Variants in DRC11 observed in about 807,000 individuals in gnomAD.
DRC11 encodes dynein regulatory complex subunit 11.
chr2:236,493,898 G>C, the DRC11 span: 1 of 1,581,588 alleles, frequency 6.3e-7, no homozygotes, highest in Admixed American at 1.8e-5. Context: ...CTAGAGAAGA[G>C]AAAGAATAAA....
chr2:236,496,533 G>C, the DRC11 span, among the ~76,000 whole-genome samples: 30 of 152,314 alleles, frequency 2.0e-4, no homozygotes, highest in African/African-American at 7.2e-4. The surrounding 1 kb of genome is among the most constrained non-coding windows in gnomAD (Gnocchi z 6.3). Context: ...GAACGTCGGA[G>C]GGCAGCAGCA....
At chr2:236,429,358 C>T in the DRC11 span, among the ~76,000 whole-genome samples, 1 of 152,214 alleles carries the variant, frequency 6.6e-6, no homozygotes, top group African/African-American at 2.4e-5. The surrounding 1 kb of genome is among the most constrained non-coding windows in gnomAD (Gnocchi z 5.9). Context: ...TCAACACCAT[C>T]TGCATGCATG....
the DRC11 span, among the ~76,000 whole-genome samples, chr2:236,313,592 A>T: frequency 1.3e-5 from 2 of 152,214 alleles, no homozygotes; most frequent in African/African-American, 2.4e-5. The surrounding 1 kb of genome is among the most constrained non-coding windows in gnomAD (Gnocchi z 4.5). Flanking sequence ...ACATATTCAC[A>T]CAAAAACCTG....
chr2:236,459,595 G>GTATATACGTATATACGTATATACGTA, the DRC11 span, among the ~76,000 whole-genome samples: 190 of 108,182 alleles, frequency 1.8e-3, 2 homozygotes, highest in Middle Eastern at 0.013. Context: ...ATACGTATAC[G>GTATATACGTATATACGTATATACGTA]TATACATATA....
At chr2:236,357,674 A>G in the DRC11 span, among the ~76,000 whole-genome samples, 1 of 125,230 alleles carries the variant, frequency 8.0e-6, no homozygotes, top group Non-Finnish European at 1.6e-5. Context: ...ATACATAAAT[A>G]TATATTTACA....
chr2:236,416,430 C>A, the DRC11 span, among the ~76,000 whole-genome samples: 1 of 151,846 alleles, frequency 6.6e-6, no homozygotes, highest in African/African-American at 2.4e-5. Flanking sequence ...TGCCTTGGTC[C>A]TGAAAGGGGT....
At chr2:236,363,358 A>G in the DRC11 span, among the ~76,000 whole-genome samples, 3 of 152,198 alleles carry the variant, frequency 2.0e-5, no homozygotes, top group African/African-American at 7.2e-5. The surrounding 1 kb of genome is among the most constrained non-coding windows in gnomAD (Gnocchi z 5.6). Context: ...AGGCTTTTCC[A>G]TCACACCTGT....
At chr2:236,410,485 G>C in the DRC11 span, among the ~76,000 whole-genome samples, 1 of 149,764 alleles carries the variant, frequency 6.7e-6, no homozygotes, top group South Asian at 2.2e-4. Flanking sequence ...GTAATTTACA[G>C]ATTCAATGCC....
the DRC11 span, among the ~76,000 whole-genome samples, chr2:236,424,231 A>G: frequency 1.3e-5 from 2 of 152,232 alleles, no homozygotes; most frequent in Non-Finnish European, 2.9e-5. Context: ...AAAGACTTAA[A>G]AAAAATAGTC....
the DRC11 span, among the ~76,000 whole-genome samples, chr2:236,313,674 G>C: frequency 1.3e-5 from 2 of 152,178 alleles, no homozygotes; most frequent in Admixed American, 6.5e-5. This position sits in a 1 kb window ranked among gnomAD's most constrained non-coding sequence, Gnocchi z 4.5. Context: ...CCTTTAACAA[G>C]TGAATGGTTA....
chr2:236,466,767 C>T, the DRC11 span, among the ~76,000 whole-genome samples: 1 of 152,202 alleles, frequency 6.6e-6, no homozygotes, highest in East Asian at 1.9e-4. Flanking sequence ...TCCCACTAGG[C>T]TCCACCTCCA....
the DRC11 span, among the ~76,000 whole-genome samples, chr2:236,436,094 C>T: frequency 1.3e-5 from 2 of 152,120 alleles, no homozygotes; most frequent in African/African-American, 4.8e-5. Flanking sequence ...AAATTTTTAC[C>T]AGTCCTATAG....
the DRC11 span, chr2:236,503,577 CG>C: frequency 2.0e-6 from 3 of 1,486,426 alleles, no homozygotes; most frequent in Non-Finnish European, 1.8e-6. The surrounding 1 kb of genome is among the most constrained non-coding windows in gnomAD (Gnocchi z 4.9). Flanking sequence ...CAAAGATTCC[CG>C]GCTGACAGGA....
the DRC11 span, among the ~76,000 whole-genome samples, chr2:236,481,863 G>A: frequency 6.7e-6 from 1 of 149,248 alleles, no homozygotes. Flanking sequence ...ATAACTATAT[G>A]TATAATTCTA....
the DRC11 span, among the ~76,000 whole-genome samples, chr2:236,501,710 G>A: frequency 6.6e-6 from 1 of 152,146 alleles, no homozygotes; most frequent in Non-Finnish European, 1.5e-5. Context: ...CATACTAACA[G>A]GTGTGACAAC....
At chr2:236,418,920 T>C in the DRC11 span, among the ~76,000 whole-genome samples, 1 of 152,242 alleles carries the variant, frequency 6.6e-6, no homozygotes. Context: ...ATCTGAGTTG[T>C]TGAAATCACG....
At chr2:236,338,433 A>C in the DRC11 span, 29 of 1,512,528 alleles carry the variant, frequency 1.9e-5, no homozygotes, top group Non-Finnish European at 2.6e-5. Context: ...AAGAATGAAA[A>C]AATGAAAGAA....
chr2:236,503,673 C>G, the DRC11 span: 1 of 1,550,968 alleles, frequency 6.4e-7, no homozygotes, highest in East Asian at 2.4e-5. This position sits in a 1 kb window ranked among gnomAD's most constrained non-coding sequence, Gnocchi z 4.9. Flanking sequence ...CTCCTTCCAC[C>G]AGACCCTCTT....
chr2:236,502,548 C>CAAAAAAAAAAAAAAAAAAAAAAAAAA, the DRC11 span, among the ~76,000 whole-genome samples: 3 of 15,096 alleles, frequency 2.0e-4, no homozygotes, highest in African/African-American at 4.2e-4. Flanking sequence ...TGCACTCCAG[C>CAAAAAAAAAAAAAAAAAAAAAAAAAA]AAAAAAAAAA....
Sources: gnomAD v4.1 joint callset for allele counts (sites outside exome capture counted in the v4.1 genomes callset) on GRCh38, gnomAD v4.1.1 for gene constraint, Gnocchi (gnomAD v3.1) non-coding constraint, MANE v1.5 for transcripts, NCBI Gene and HGNC (gene_info 2026-07-23, HGNC 2026-07-21) for gene names.